Variants in CCBE1 observed in about 807,000 individuals in gnomAD.
CCBE1 encodes collagen and calcium binding EGF domains 1, also known as collagen and calcium-binding EGF domain-containing protein 1.
In CCBE1, 37 loss-of-function variants were observed where a neutral mutation model predicts 50.0. The observed-to-expected ratio is 0.74, with a 90% confidence interval of 0.57 to 0.97. The LOEUF is 0.97. Among genes scored for constraint, CCBE1 ranks in the 50% least tolerant of loss-of-function variants. CCBE1 has a pLI of 0.00. For synonymous variants in CCBE1, 234 were observed against 203.7 expected (o/e 1.15, Z -1.27); for missense variants, 538 against 523.8 (o/e 1.03, Z -0.26).
chr18:59,508,978 A>G (rs1190624544), intron 2 of CCBE1, among the ~76,000 whole-genome samples: 1 of 152,176 alleles, frequency 6.6e-6, no homozygotes, highest in Non-Finnish European at 1.5e-5. Context: ...ACAGATAAGC[A>G]GTTTGTTGCT....
chr18:59,449,119 T>C (rs1910814068), intron 6 of CCBE1, among the ~76,000 whole-genome samples: 1 of 152,244 alleles, frequency 6.6e-6, no homozygotes, highest in Non-Finnish European at 1.5e-5. Context: ...GTCCCACTCT[T>C]GGGCCTTGGA....
At chr18:59,665,910 T>C (rs553859010) in intron 2 of CCBE1, among the ~76,000 whole-genome samples, 212 of 152,272 alleles carry the variant, frequency 1.4e-3, no homozygotes, top group Non-Finnish European at 1.9e-3. Flanking sequence ...CACACATGTA[T>C]AGAATATATC....
At chr18:59,564,427 T>A (rs1040795886) in intron 2 of CCBE1, among the ~76,000 whole-genome samples, 2 of 152,242 alleles carry the variant, frequency 1.3e-5, no homozygotes, top group African/African-American at 4.8e-5. Flanking sequence ...TATTTTCCAT[T>A]GTCAGTACAT....
chr18:59,609,534 T>G (rs924383574), intron 2 of CCBE1, among the ~76,000 whole-genome samples: 7 of 152,210 alleles, frequency 4.6e-5, no homozygotes, highest in African/African-American at 1.7e-4. Context: ...CCACATCTGG[T>G]CAGCCAAGTA....
chr18:59,494,346 T>A (rs532698203), intron 2 of CCBE1, among the ~76,000 whole-genome samples: 3 of 152,298 alleles, frequency 2.0e-5, no homozygotes, highest in African/African-American at 7.2e-5. Flanking sequence ...ATTTTCTCCA[T>A]CCTTGGTTCA....
chr18:59,602,951 C>A (rs1293159037), intron 2 of CCBE1, among the ~76,000 whole-genome samples: 3 of 152,182 alleles, frequency 2.0e-5, no homozygotes, highest in African/African-American at 7.2e-5. Context: ...AGCCTCTGTG[C>A]CTTGTCTCGA....
chr18:59,581,740 T>TTCTAAGCACTGTAG (rs2053086832), intron 2 of CCBE1, among the ~76,000 whole-genome samples: 1 of 152,204 alleles, frequency 6.6e-6, no homozygotes, highest in Non-Finnish European at 1.5e-5. Flanking sequence ...GGAAAGGCTG[T>TTCTAAGCACTGTAG]TCTAAGCACT....
At chr18:59,558,952 C>A (rs2052692496) in intron 2 of CCBE1, among the ~76,000 whole-genome samples, 1 of 152,218 alleles carries the variant, frequency 6.6e-6, no homozygotes, top group Non-Finnish European at 1.5e-5. Context: ...CCTAAGTGCT[C>A]TTTCTGTTCA....
chr18:59,671,369 G>T (rs2054427573), intron 2 of CCBE1, among the ~76,000 whole-genome samples: 1 of 151,922 alleles, frequency 6.6e-6, no homozygotes, highest in African/African-American at 2.4e-5. Context: ...AGGTATGGAG[G>T]CGTCTATAGT....
At chr18:59,543,575 T>C (rs987515222) in intron 2 of CCBE1, among the ~76,000 whole-genome samples, 2 of 151,816 alleles carry the variant, frequency 1.3e-5, no homozygotes, top group Admixed American at 1.3e-4. Flanking sequence ...GTGGCTCACG[T>C]CTGAAATCCC....
chr18:59,602,069 G>A (rs2053441082), intron 2 of CCBE1, among the ~76,000 whole-genome samples: 1 of 149,252 alleles, frequency 6.7e-6, no homozygotes, highest in South Asian at 2.1e-4. Context: ...CAATTCAAGT[G>A]CCCATCATTT....
intron 2 of CCBE1, among the ~76,000 whole-genome samples, chr18:59,593,374 C>T (rs974921275): frequency 9.9e-5 from 15 of 152,270 alleles, no homozygotes; most frequent in Middle Eastern, 3.4e-3. Context: ...AGAGTGCATT[C>T]TAGTTTTTAT....
At position 59,497,335 on chromosome 18, in the gene CCBE1, T is replaced by A. The variant is rs201048869; in HGVS notation, c.213-17097A>T. The stretch of plus-strand genomic sequence containing the variant: ...CAAAGAGTTATAAGGTAAGAAGAAC[T>A]CATGGTATCACTGAGCACAGATCAT... On this transcript the variant is annotated intron_variant, in intron 2 of 10. Transcript: ENST00000439986. 3.9e-5 allele frequency among the ~76,000 whole-genome samples: 6 copies of A among 152,296 alleles called. No homozygotes were observed. In the East Asian group the frequency reaches 1.2e-3, roughly 29 times the overall value.
chr18:59,433,396 GGA>G lies in CCBE1; in HGVS notation c.*2510_*2511del, dbSNP rs1910010762. The stretch of plus-strand genomic sequence containing the variant: ...TTGCTTTCACTTTAAAAATGTTAGT[GGA>G]GAGTCACCAGGAATTTTGCATAAAT... On this transcript the variant is annotated 3_prime_UTR_variant, in exon 11 of 11. Transcript: ENST00000439986. 2 of 151,596 alleles carry G rather than the reference GGA, an allele frequency of 1.3e-5. No individual in the cohort carries two copies. The highest frequency in any genetic ancestry group is 1.3e-4 in the Admixed American group (2 of 15,198). 9.4% of individuals were successfully genotyped at this position (151,596 alleles called of 1,614,324 possible).
intron 2 of CCBE1, among the ~76,000 whole-genome samples, chr18:59,641,359 C>T (rs1454407273): frequency 2.6e-5 from 4 of 152,172 alleles, no homozygotes; most frequent in East Asian, 3.9e-4. Flanking sequence ...CCAAGCATTA[C>T]ATGTTCTCAC....
intron 2 of CCBE1, among the ~76,000 whole-genome samples, chr18:59,611,455 A>G (rs2053567529): frequency 1.3e-5 from 2 of 152,186 alleles, no homozygotes; most frequent in Admixed American, 6.5e-5. Flanking sequence ...GTCAAGAAGC[A>G]TTTTTCGGGC....
chr18:59,662,795 A>G (rs959657612), intron 2 of CCBE1, among the ~76,000 whole-genome samples: 2 of 152,234 alleles, frequency 1.3e-5, no homozygotes, highest in African/African-American at 2.4e-5. Flanking sequence ...GGTAATACAT[A>G]AAAAGGTGCT....
chr18:59,509,497 G>C (rs1011266420), intron 2 of CCBE1, among the ~76,000 whole-genome samples: 1 of 151,998 alleles, frequency 6.6e-6, no homozygotes, highest in Non-Finnish European at 1.5e-5. Flanking sequence ...ATAAATACTA[G>C]GAAAATGTTC....
chr18:59,471,458 C>A (rs143247279), intron 3 of CCBE1, among the ~76,000 whole-genome samples: 4 of 152,064 alleles, frequency 2.6e-5, no homozygotes, highest in African/African-American at 9.7e-5. Context: ...TATTTTGGTG[C>A]GGTAATTGTT....
Sources: allele counts gnomAD v4.1 joint callset (sites outside exome capture counted in the v4.1 genomes callset), GRCh38; gene constraint gnomAD v4.1.1; transcripts MANE v1.5; gene names NCBI Gene and HGNC (gene_info 2026-07-23, HGNC 2026-07-21).